NEB: variants seen among roughly 807,000 people sequenced by gnomAD.
The protein encoded by NEB is nebulin.
Under a neutral mutation model 952.2 loss-of-function variants are expected in NEB, and 512 were observed. The ratio of observed to expected loss-of-function variants is 0.54; its 90% CI spans 0.50 to 0.58. The LOEUF (loss-of-function observed/expected upper bound fraction) is 0.58. NEB is among the 20% of genes least tolerant of loss of function. The probability of loss-of-function intolerance (pLI) is 0.00; values close to 1 mark genes in which losing one functional copy is unlikely to be tolerated. For missense variants in NEB, 8,428 were observed against 9,231.1 expected (o/e 0.91, Z 3.56); for synonymous variants, 2,900 against 3,149.8 (o/e 0.92, Z 2.66).
chr2:151,646,731 C>T (rs1046950095), intron 54 of NEB, among the ~76,000 whole-genome samples: 3 of 151,838 alleles, frequency 2.0e-5, no homozygotes, highest in African/African-American at 7.2e-5. Flanking sequence ...CTCACTGCAA[C>T]CTCTGCCTCC....
intron 135 of NEB, 83 bp from the exon 136 acceptor site, chr2:151,541,634 T>C (rs750468623): frequency 9.2e-6 from 10 of 1,088,328 alleles, no homozygotes; most frequent in Middle Eastern, 4.0e-4. Flanking sequence ...TGCTTTTACA[T>C]AGAAAAGGCA....
chr2:151,695,683 CT>C lies in NEB; in HGVS notation c.1570-2del, dbSNP rs2099590816. The C allele has an allele frequency of 1.2e-6, 2 of 1,605,402 alleles. No individual in the cohort carries two copies. Among genetic ancestry groups the C allele is most frequent in the African/African-American group, 2.7e-5 (2 of 74,738 alleles). On this transcript the variant is annotated splice_acceptor_variant, in intron 17 of 181. Transcript: ENST00000397345. LOFTEE classifies it high-confidence loss of function. Reference sequence around the variant, plus strand: ...TTTCATGTTTTGCTTTGTAATTTAACTATGACAGAGAGAGAACCAATTAGTT... The same window carrying C: ...TTTCATGTTTTGCTTTGTAATTTAACATGACAGAGAGAGAACCAATTAGTT...
At position 151,552,824 on chromosome 2, in the gene NEB, T is replaced by A. The variant is rs530007989; in HGVS notation, c.19732-48A>T. On this transcript the variant is annotated intron_variant, in intron 127 of 181. Coordinates refer to ENST00000397345, the MANE Select transcript of NEB (RefSeq NM_001164508.2). ...CCCATGTTGGACCATTCCTTATGCT[T>A]GAAACTGCTGGTTTTCACAGAGGGT... 14 of 1,374,840 alleles carry A rather than the reference T, an allele frequency of 1.0e-5. No individual in the cohort carries two copies. The South Asian group carries it at 1.7e-4, about 17-fold the overall frequency. The allele number at this position is 1,374,840 out of a possible 1,614,324, so 85.2% of individuals were successfully genotyped here.
chr2:151,623,538 T>A (rs2098458033), intron 71 of NEB, among the ~76,000 whole-genome samples: 1 of 152,178 alleles, frequency 6.6e-6, no homozygotes. Context: ...ATGCTACAGA[T>A]GCATTTAATA....
chr2:151,501,423 G>A lies in NEB; in HGVS notation c.23989C>T (p.Arg7997Ter), dbSNP rs549794342. 3.1e-4 allele frequency: 479 copies of A among 1,548,396 alleles called. No homozygotes were observed. The highest frequency in any genetic ancestry group is 3.5e-4 in the Non-Finnish European group (402 of 1,144,958). The change falls in exon 168 of 182, where the codon CGA becomes TGA. Residue 7997 changes from arginine (R) to a stop codon, truncating the protein, a stop_gained. Transcript: ENST00000397345. LOFTEE classifies it high-confidence loss of function. The stretch of plus-strand genomic sequence containing the variant: ...AAGTTTTCTTGATTGAGTTTGACTC[G>A]CTCCATCTCAGGAGTGACAGGTAGG... Reference protein sequence around the residue: ...TPLPVTPEMERVKLNQENFSS... With the variant: ...TPLPVTPEME
rs1008216721 is a variant in NEB at position 151,639,740 on chromosome 2, TAGAC to T, written c.8889+113_8889+116del. ...GATAGATGAGAAGCCAATAGATACATAGACAGATAGATAGATGCCTTTTATTACT... is the reference window on the plus strand; with the variant it reads ...GATAGATGAGAAGCCAATAGATACATAGATAGATAGATGCCTTTTATTACT... On this transcript the variant is annotated intron_variant, in intron 62 of 181. Coordinates refer to ENST00000397345, the MANE Select transcript of NEB (RefSeq NM_001164508.2). 6 of 845,244 alleles carry T rather than the reference TAGAC, an allele frequency of 7.1e-6. No homozygotes were observed. In the African/African-American group the frequency reaches 8.6e-5, roughly 12 times the overall value. The allele number at this position is 845,244 out of a possible 1,614,324, so 52.4% of individuals were successfully genotyped here.
At chr2:151,506,879 C>T in intron 163 of NEB, 30 bp downstream of exon 163, 1 of 1,384,266 alleles carries the variant, frequency 7.2e-7, no homozygotes, top group African/African-American at 1.4e-5. Flanking sequence ...ACTAGGTTAG[C>T]ATTAAATGCA....
At position 151,723,269 on chromosome 2, in the gene NEB, T is replaced by C. The variant is rs2099780023; in HGVS notation, c.717+113A>G. On this transcript the variant is annotated intron_variant, in intron 9 of 181. Transcript: ENST00000397345. Reference sequence around the variant, plus strand: ...CAATTCTAGACATACTCCTCTGAAATACAACATTTAGTCTCTTATACAGAA... The same window carrying C: ...CAATTCTAGACATACTCCTCTGAAACACAACATTTAGTCTCTTATACAGAA... 19 of 580,080 alleles carry C rather than the reference T, an allele frequency of 3.3e-5. No homozygotes were observed. The South Asian group carries it at 5.9e-4, about 18-fold the overall frequency. 35.9% of individuals were successfully genotyped at this position (580,080 alleles called of 1,614,324 possible).
chr2:151,521,372 T>G (rs928778565), intron 153 of NEB, among the ~76,000 whole-genome samples: 25 of 152,150 alleles, frequency 1.6e-4, no homozygotes, highest in Non-Finnish European at 2.8e-4. Context: ...AAACAAATGC[T>G]ACAATGGCTC....
In NEB at chr2:151,514,326, G is replaced by A. The variant is rs1213026370; in HGVS notation, c.23119C>T (p.Leu7707Phe). The A allele has an allele frequency of 6.2e-7, 1 of 1,609,492 alleles. No homozygotes were observed. Among genetic ancestry groups the A allele is most frequent in the Non-Finnish European group, 8.5e-7 (1 of 1,175,954 alleles). The change falls in exon 159 of 182, where the codon CTC (leucine) becomes TTC (phenylalanine). Residue 7707 changes from leucine (L) to phenylalanine (F), a missense_variant. Physicochemically the swap from Leu to Phe is conservative, Grantham distance 22 (BLOSUM62 0). Coordinates refer to ENST00000397345, the MANE Select transcript of NEB (RefSeq NM_001164508.2). ...GTCAGCTGTGGGCCTACCTCATTGAGGATTTGAGTGGCATTCTTTGCTCTT... is the reference window on the plus strand; with the variant it reads ...GTCAGCTGTGGGCCTACCTCATTGAAGATTTGAGTGGCATTCTTTGCTCTT... ...MLRAKNATQI[L>F]NEKEYKRDLE...
intron 77 of NEB, among the ~76,000 whole-genome samples, chr2:151,613,851 C>G (rs910770743): frequency 4.6e-5 from 7 of 152,212 alleles, no homozygotes; most frequent in African/African-American, 1.4e-4. Flanking sequence ...CTGAGGCCTT[C>G]CCAGCCATGC....
In NEB at chr2:151,494,267, A is replaced by G. The variant is rs1399984732; in HGVS notation, c.24487-14T>C. The G allele has an allele frequency of 1.9e-6, 3 of 1,557,190 alleles. No homozygotes were observed. Among genetic ancestry groups the G allele is most frequent in the Non-Finnish European group, 1.8e-6 (2 of 1,140,236 alleles). On this transcript the variant is annotated splice_polypyrimidine_tract_variant and intron_variant, in intron 173 of 181. Transcript: ENST00000397345. ...TTTGTACAAAACCTATGGGAATCCA[A>G]TGGGTCCAAAAAGCCAAAAAGAAAA...
chr2:151,522,045 C>T lies in NEB; in HGVS notation c.22479+2266G>A, dbSNP rs529136096. On this transcript the variant is annotated intron_variant, in intron 153 of 181. Coordinates refer to ENST00000397345, the MANE Select transcript of NEB (RefSeq NM_001164508.2). Reference sequence around the variant, plus strand: ...ATTAACCATGGGAGCTAAGAGGCAACTCTGCAATGCCATGTCTCGGCAAGT... The same window carrying T: ...ATTAACCATGGGAGCTAAGAGGCAATTCTGCAATGCCATGTCTCGGCAAGT... 6.6e-5 allele frequency among the ~76,000 whole-genome samples: 10 copies of T among 152,260 alleles called. No individual in the cohort carries two copies. The South Asian group carries it at 1.9e-3, about 28-fold the overall frequency.
At chr2:151,714,108 C>G (rs1377193256) in intron 10 of NEB, among the ~76,000 whole-genome samples, 3 of 152,074 alleles carry the variant, frequency 2.0e-5, no homozygotes, top group Non-Finnish European at 4.4e-5. Context: ...CCCCGCTAAC[C>G]TCCCACCCCC....
At chr2:151,648,071 AAG>A (rs1289070374) in intron 54 of NEB, among the ~76,000 whole-genome samples, 58 of 152,220 alleles carry the variant, frequency 3.8e-4, no homozygotes, top group Non-Finnish European at 6.3e-4. Flanking sequence ...AAGAGACAAA[AAG>A]AGAAAGCAAA....
intron 136 of NEB, 64 bp downstream of exon 136, chr2:151,541,383 G>T: frequency 1.6e-6 from 2 of 1,290,290 alleles, no homozygotes; most frequent in Non-Finnish European, 2.2e-6. Context: ...GCCAGGTGAG[G>T]CCAGGCACAT....
At chr2:151,575,491 T>C (rs1444436501) in intron 107 of NEB, among the ~76,000 whole-genome samples, 3 of 152,214 alleles carry the variant, frequency 2.0e-5, no homozygotes, top group East Asian at 1.9e-4. Context: ...TGTGGAGATA[T>C]TGACTCACCA....
At position 151,496,373 on chromosome 2, in the gene NEB, G is replaced by C. The variant is rs780723893; in HGVS notation, c.24394-5C>G. On this transcript the variant is annotated splice_polypyrimidine_tract_variant and splice_region_variant and intron_variant, in intron 172 of 181. Transcript: ENST00000397345. ...CATGTTTTCTTTGTATAACACCTGT[G>C]CGATGAGAAAGCATCCAGAAAAACA... is the stretch of plus-strand genomic sequence containing the variant. 11 of 1,603,128 alleles carry C rather than the reference G, an allele frequency of 6.9e-6. No individual in the cohort carries two copies. The highest frequency in any genetic ancestry group is 9.4e-6 in the Non-Finnish European group (11 of 1,173,994).
chr2:151,555,622 T>G (rs1276514086), intron 124 of NEB, among the ~76,000 whole-genome samples: 1 of 152,172 alleles, frequency 6.6e-6, no homozygotes, highest in East Asian at 1.9e-4. Context: ...TAAACCAGGT[T>G]AAGACAGAGA....
Sources: gnomAD v4.1 joint callset for allele counts (sites outside exome capture counted in the v4.1 genomes callset) on GRCh38, gnomAD v4.1.1 for gene constraint, MANE v1.5 for transcripts, NCBI Gene and HGNC (gene_info 2026-07-23, HGNC 2026-07-21) for gene names.